GMDS: variants seen among roughly 807,000 people sequenced by gnomAD.
The protein encoded by GMDS is GDP-mannose 4,6-dehydratase.
A neutral mutation model predicts 49.9 loss-of-function variants in GMDS; 20 were observed. The ratio of observed to expected loss-of-function variants is 0.40; its 90% CI spans 0.28 to 0.58. The LOEUF is 0.58. Among genes scored for constraint, GMDS ranks in the 20% least tolerant of loss-of-function variants. The probability of loss-of-function intolerance (pLI) is 0.42; values close to 1 mark genes in which losing one functional copy is unlikely to be tolerated. For missense variants in GMDS, 362 were observed against 481.4 expected (o/e 0.75, Z 2.32); for synonymous variants, 177 against 178.6 (o/e 0.99, Z 0.07).
At chr6:1,823,766 G>T in intron 7 of GMDS, among the ~76,000 whole-genome samples, 1 of 152,134 alleles carries the variant, frequency 6.6e-6, no homozygotes. Flanking sequence ...GAGGGAGTTT[G>T]AATATTCATT....
chr6:1,644,958 C>T (rs894132770), intron 9 of GMDS, among the ~76,000 whole-genome samples: 94 of 145,434 alleles, frequency 6.5e-4, no homozygotes, highest in Middle Eastern at 7.1e-3. Flanking sequence ...TTAAACGAGA[C>T]GGAGTCTTGC....
chr6:1,808,719 CAACTT>C, intron 7 of GMDS, among the ~76,000 whole-genome samples: 1 of 152,240 alleles, frequency 6.6e-6, no homozygotes, highest in Non-Finnish European at 1.5e-5. Context: ...AGAAAAAGAT[CAACTT>C]ATCTTGAGAA....
At chr6:1,768,664 T>C (rs972015521) in intron 7 of GMDS, among the ~76,000 whole-genome samples, 2 of 152,252 alleles carry the variant, frequency 1.3e-5, no homozygotes, top group Admixed American at 1.3e-4. Context: ...ACATGCTCAT[T>C]GGAGCATTTC....
intron 4 of GMDS, among the ~76,000 whole-genome samples, chr6:2,076,364 C>T (rs1036656278): frequency 3.4e-4 from 51 of 152,152 alleles, no homozygotes; most frequent in African/African-American, 1.2e-3. Flanking sequence ...AATGCCATCC[C>T]CATCAAGCTA....
At chr6:1,666,521 G>A (rs889799991) in intron 9 of GMDS, among the ~76,000 whole-genome samples, 1 of 152,116 alleles carries the variant, frequency 6.6e-6, no homozygotes, top group African/African-American at 2.4e-5. Flanking sequence ...AATTTAAAAG[G>A]TTATACACTC....
intron 7 of GMDS, among the ~76,000 whole-genome samples, chr6:1,797,464 C>T (rs1487193799): frequency 6.6e-6 from 1 of 152,184 alleles, no homozygotes; most frequent in Non-Finnish European, 1.5e-5. Context: ...GAAAGCTCCT[C>T]TCAAGTAAGT....
intron 7 of GMDS, among the ~76,000 whole-genome samples, chr6:1,834,570 G>T (rs915285360): frequency 6.6e-6 from 1 of 152,050 alleles, no homozygotes. Context: ...TCAGAAGTAT[G>T]TTAAGCTTTT....
chr6:2,116,073 T>C, intron 3 of GMDS, among the ~76,000 whole-genome samples, 193 bp from the exon 4 acceptor site: 1 of 152,192 alleles, frequency 6.6e-6, no homozygotes, highest in African/African-American at 2.4e-5. Flanking sequence ...AGCTACATAA[T>C]GCCTATGTCT....
chr6:1,633,271 T>C (rs1383089069), intron 9 of GMDS, among the ~76,000 whole-genome samples: 1 of 152,246 alleles, frequency 6.6e-6, no homozygotes, highest in Non-Finnish European at 1.5e-5. Context: ...CCTCTAATTT[T>C]AGATAATCAT....
intron 4 of GMDS, among the ~76,000 whole-genome samples, chr6:2,099,259 T>A (rs73414521): frequency 0.049 from 7,452 of 152,164 alleles, 367 homozygotes; most frequent in African/African-American, 0.12. Flanking sequence ...AAAGCATCAA[T>A]TCGTTAAATA....
intron 7 of GMDS, among the ~76,000 whole-genome samples, chr6:1,764,078 A>G (rs933842346): frequency 1.3e-5 from 2 of 152,114 alleles, no homozygotes; most frequent in African/African-American, 4.8e-5. Flanking sequence ...CTGGGGGTTA[A>G]GAGTGAAGGA....
intron 10 of GMDS, 63 bp from the exon 11 acceptor site, chr6:1,624,294 C>T: frequency 2.0e-6 from 3 of 1,475,660 alleles, no homozygotes; most frequent in Non-Finnish European, 2.8e-6. Context: ...GACACCCCAC[C>T]CCGGGTGTCG....
chr6:1,645,124 C>T (rs1763447257), intron 9 of GMDS, among the ~76,000 whole-genome samples: 2 of 151,822 alleles, frequency 1.3e-5, no homozygotes, highest in South Asian at 2.1e-4. Context: ...TTAGTAGAGA[C>T]GGCGTTTCAC....
intron 7 of GMDS, among the ~76,000 whole-genome samples, chr6:1,747,479 TGCGTGTGC>T (rs1767550531): frequency 1.5e-4 from 2 of 12,980 alleles, no homozygotes; most frequent in Non-Finnish European, 9.3e-4. Flanking sequence ...CACACGCTCA[TGCGTGTGC>T]GCGCACACAC....
At chr6:2,012,660 T>C (rs918614097) in intron 4 of GMDS, among the ~76,000 whole-genome samples, 7 of 152,038 alleles carry the variant, frequency 4.6e-5, no homozygotes, top group African/African-American at 1.7e-4. Flanking sequence ...CAGGTGAATA[T>C]AGAGAATGGC....
At chr6:1,820,096 A>G (rs1770832517) in intron 7 of GMDS, among the ~76,000 whole-genome samples, 1 of 152,084 alleles carries the variant, frequency 6.6e-6, no homozygotes, top group Non-Finnish European at 1.5e-5. Context: ...TTTTTCTTAT[A>G]GTTTATAAAT....
intron 1 of GMDS, among the ~76,000 whole-genome samples, chr6:2,194,446 T>C (rs1211388839): frequency 6.6e-6 from 1 of 152,210 alleles, no homozygotes; most frequent in Non-Finnish European, 1.5e-5. Context: ...CATACATATA[T>C]AGTTGTTTAA....
chr6:2,076,018 C>T (rs1772316438), intron 4 of GMDS, among the ~76,000 whole-genome samples: 2 of 152,170 alleles, frequency 1.3e-5, no homozygotes, highest in Admixed American at 6.5e-5. Context: ...TGATGATGAG[C>T]ATTTTTTCAT....
At chr6:1,793,031 A>C (rs556421463) in intron 7 of GMDS, among the ~76,000 whole-genome samples, 1 of 152,104 alleles carries the variant, frequency 6.6e-6, no homozygotes. Flanking sequence ...AGACGTTTTC[A>C]CTCTTCAGTA....
Sources: allele counts gnomAD v4.1 joint callset (sites outside exome capture counted in the v4.1 genomes callset), GRCh38; gene constraint gnomAD v4.1.1; transcripts MANE v1.5; gene names NCBI Gene and HGNC (gene_info 2026-07-23, HGNC 2026-07-21).